The following ADAMTS2 variants were observed in gnomAD, a reference collection of about 807,000 sequenced individuals.
The protein encoded by ADAMTS2 is ADAM metallopeptidase with thrombospondin type 1 motif 2.
A neutral mutation model predicts 123.0 loss-of-function variants in ADAMTS2; 50 were observed. That is an observed-to-expected ratio of 0.41 (90% CI 0.32 to 0.51). The LOEUF is 0.51. ADAMTS2 is among the 20% of genes least tolerant of loss of function. The pLI, the probability that ADAMTS2 is intolerant of heterozygous loss-of-function variation, is 0.35. For missense variants in ADAMTS2, 1,494 were observed against 1,705.2 expected (o/e 0.88, Z 2.18); for synonymous variants, 678 against 695.4 (o/e 0.98, Z 0.39).
At chr5:179,207,172 A>T (rs1342898819) in intron 4 of ADAMTS2, among the ~76,000 whole-genome samples, 1 of 152,216 alleles carries the variant, frequency 6.6e-6, no homozygotes, top group African/African-American at 2.4e-5. Context: ...TTTAGTTTTA[A>T]AAGTGGCAAA....
chr5:179,194,175 G>A (rs1764367225), intron 4 of ADAMTS2, among the ~76,000 whole-genome samples: 1 of 152,214 alleles, frequency 6.6e-6, no homozygotes, highest in South Asian at 2.1e-4. Flanking sequence ...GCGGAGGAGG[G>A]AGGAGGGAGG....
chr5:179,293,978 T>C (rs1006715114), intron 2 of ADAMTS2, among the ~76,000 whole-genome samples: 4 of 152,114 alleles, frequency 2.6e-5, no homozygotes, highest in South Asian at 4.2e-4. Context: ...TCTCAAACAT[T>C]CCACTTAATG....
intron 10 of ADAMTS2, among the ~76,000 whole-genome samples, chr5:179,149,668 T>G (rs1478635984): frequency 6.6e-6 from 1 of 152,178 alleles, no homozygotes; most frequent in African/African-American, 2.4e-5. Flanking sequence ...TTTCCAGATG[T>G]AAAATCACAG....
chr5:179,309,757 CAAAAAAA>C (rs34487269), intron 2 of ADAMTS2, among the ~76,000 whole-genome samples: 18 of 44,450 alleles, frequency 4.0e-4, no homozygotes, highest in East Asian at 9.2e-4. Context: ...ACTCAGTCTC[CAAAAAAA>C]AAAAAAAAAA....
chr5:179,238,868 G>C (rs541713895), intron 3 of ADAMTS2, among the ~76,000 whole-genome samples: 4 of 152,238 alleles, frequency 2.6e-5, no homozygotes, highest in African/African-American at 9.6e-5. Context: ...CCCTGACCAC[G>C]GACCGCCCCA....
chr5:179,283,953 TTA>T (rs1755920482), intron 2 of ADAMTS2, among the ~76,000 whole-genome samples: 1 of 92,510 alleles, frequency 1.1e-5, no homozygotes, highest in African/African-American at 5.2e-5. Context: ...ATGATTATTA[TTA>T]TTATTATTAT....
At position 179,129,407 on chromosome 5, in the gene ADAMTS2, C is replaced by T. The variant is rs1182150645; in HGVS notation, c.2457+525G>A. On this transcript the variant is annotated intron_variant, in intron 16 of 21. Transcript: ENST00000251582. The surrounding 1 kb of genome is among the most constrained non-coding windows in gnomAD (Gnocchi z 4.1). ...CTTTTTTGACAAATAAAATATATCC[C>T]TATGCAGTTAAATTACATTTTAAAA... Among the ~76,000 whole-genome samples, 2 of 152,176 alleles carry T rather than the reference C, an allele frequency of 1.3e-5. No homozygotes were observed. The highest frequency in any genetic ancestry group is 2.9e-5 in the Non-Finnish European group (2 of 68,036).
At chr5:179,152,026 G>C (rs895353241) in intron 10 of ADAMTS2, 116 bp downstream of exon 10, 24 of 869,692 alleles carry the variant, frequency 2.8e-5, no homozygotes, top group Non-Finnish European at 4.5e-5. Flanking sequence ...GAGGGCAGCA[G>C]AGGTCCCCTG....
In ADAMTS2 at chr5:179,130,076, G is replaced by A. The variant is rs1344790137; in HGVS notation, c.2313C>T (p.Gly771=). 1.5e-5 allele frequency: 24 copies of A among 1,613,984 alleles called. No individual in the cohort carries two copies. Among genetic ancestry groups the A allele is most frequent in the Non-Finnish European group, 1.9e-5 (23 of 1,180,056 alleles). ...HHLAVKNLET[G]KFILNEENDV... ...CATTCTCTTCATTTAAGATGAACTTGCCTGTCTCCAGGTTCTTGACGGCTG... is the reference window on the plus strand; with the variant it reads ...CATTCTCTTCATTTAAGATGAACTTACCTGTCTCCAGGTTCTTGACGGCTG... Residue 771 remains glycine (G), a synonymous_variant, in exon 16 of 22, where the codon GGC becomes GGT. Coordinates refer to ENST00000251582, the MANE Select transcript of ADAMTS2 (RefSeq NM_014244.5). The surrounding 1 kb of genome is among the most constrained non-coding windows in gnomAD (Gnocchi z 4.3).
chr5:179,191,648 G>A (rs1764309573), intron 4 of ADAMTS2, among the ~76,000 whole-genome samples: 2 of 151,902 alleles, frequency 1.3e-5, no homozygotes, highest in Admixed American at 1.3e-4. Context: ...GTGGGGGGCG[G>A]GCTGCTGAGC....
At chr5:179,232,680 C>T (rs1427443623) in intron 3 of ADAMTS2, among the ~76,000 whole-genome samples, 3 of 152,156 alleles carry the variant, frequency 2.0e-5, no homozygotes, top group Admixed American at 6.5e-5. Flanking sequence ...ACGATTCCCA[C>T]GCGTGTCTGC....
chr5:179,123,872 G>A (rs530529544), intron 19 of ADAMTS2, among the ~76,000 whole-genome samples: 1 of 152,340 alleles, frequency 6.6e-6, no homozygotes, highest in South Asian at 2.1e-4. Context: ...CAACAGTGAT[G>A]GATGGGGAAC....
At position 179,137,873 on chromosome 5, in the gene ADAMTS2, G is replaced by C. The variant is rs1218050137; in HGVS notation, c.1847C>G (p.Pro616Arg). Residue 616 changes from proline (P) to arginine (R), a missense_variant, in exon 12 of 22, where the codon CCC becomes CGC. Around this residue, in one of 6 missense-constraint regions of ADAMTS2, gnomAD observed 953 missense variants for 1,124.7 expected, o/e 0.85. Transcript: ENST00000251582. ...DFQLCSRQDC[P>R]DSLADFREEQ... ...CTCGCGGAAGTCAGCCAGGGAGTCGGGGCAGTCCTGGCGGCTGCAGAGCTG... is the reference window on the plus strand; with the variant it reads ...CTCGCGGAAGTCAGCCAGGGAGTCGCGGCAGTCCTGGCGGCTGCAGAGCTG... 3.2e-6 allele frequency: 5 copies of C among 1,560,364 alleles called. No homozygotes were observed. Among genetic ancestry groups the C allele is most frequent in the Non-Finnish European group, 3.5e-6 (4 of 1,153,494 alleles).
At chr5:179,271,420 G>C (rs62394997) in intron 3 of ADAMTS2, among the ~76,000 whole-genome samples, 1 of 152,148 alleles carries the variant, frequency 6.6e-6, no homozygotes, top group Non-Finnish European at 1.5e-5. Flanking sequence ...CTGAGCTCTC[G>C]GGGACACAGG....
intron 3 of ADAMTS2, among the ~76,000 whole-genome samples, chr5:179,258,869 C>G (rs748674723): frequency 2.0e-5 from 3 of 152,144 alleles, no homozygotes; most frequent in Non-Finnish European, 4.4e-5. Flanking sequence ...GAGTATCCCC[C>G]TCTGACCAAC....
rs539964347 is a variant in ADAMTS2, at chr5:179,167,330, G to A, written c.976-8451C>T. On this transcript the variant is annotated intron_variant, in intron 5 of 21. Coordinates refer to ENST00000251582, the MANE Select transcript of ADAMTS2 (RefSeq NM_014244.5). Reference sequence around the variant, plus strand: ...GCGGCCCGGGCCGGGGACGCACCCGGCGCCCAGACTCCGCGGCCGCACCCG... The same window carrying A: ...GCGGCCCGGGCCGGGGACGCACCCGACGCCCAGACTCCGCGGCCGCACCCG... 5.3e-5 allele frequency among the ~76,000 whole-genome samples: 8 copies of A among 152,108 alleles called. No homozygotes were observed. The East Asian group carries it at 1.4e-3, about 26-fold the overall frequency.
intron 3 of ADAMTS2, among the ~76,000 whole-genome samples, chr5:179,221,744 T>C (rs2051146600): frequency 6.6e-6 from 1 of 151,776 alleles, no homozygotes; most frequent in African/African-American, 2.4e-5. Context: ...GATGCAATGC[T>C]CACCACGCCC....
At chr5:179,200,798 T>C (rs1437282181) in intron 4 of ADAMTS2, among the ~76,000 whole-genome samples, 2 of 152,032 alleles carry the variant, frequency 1.3e-5, no homozygotes, top group Non-Finnish European at 2.9e-5. Flanking sequence ...ATGTAGGACA[T>C]CAAAAACTAT....
At chr5:179,195,875 C>CCT (rs1764417777) in intron 4 of ADAMTS2, among the ~76,000 whole-genome samples, 1 of 152,226 alleles carries the variant, frequency 6.6e-6, no homozygotes, top group Non-Finnish European at 1.5e-5. Flanking sequence ...ACCCCGCTTG[C>CCT]CTCCCCCCAC....
Sources: allele counts gnomAD v4.1 joint callset (sites outside exome capture counted in the v4.1 genomes callset), GRCh38; gene constraint gnomAD v4.1.1; regional missense constraint gnomAD v4.1.1; non-coding constraint Gnocchi (gnomAD v3.1); transcripts MANE v1.5; gene names NCBI Gene and HGNC (gene_info 2026-07-23, HGNC 2026-07-21).